STYK1: variants seen among roughly 807,000 people sequenced by gnomAD.
STYK1 encodes the protein STY kinase 1, also known as tyrosine-protein kinase STYK1.
In STYK1, 46 loss-of-function variants were observed where a neutral mutation model predicts 48.1. The observed-to-expected ratio is 0.96, with a 90% CI of 0.75 to 1.22. STYK1 has a LOEUF of 1.22. STYK1 is among the 50% of genes most tolerant of loss of function. The pLI, the probability that STYK1 is intolerant of heterozygous loss-of-function variation, is 0.00. For missense variants in STYK1, 527 were observed against 521.1 expected (o/e 1.01, Z -0.11); for synonymous variants, 188 against 189.0 (o/e 0.99, Z 0.04).
At chr12:10,626,608 C>T (rs993651513) in intron 7 of STYK1, among the ~76,000 whole-genome samples, 9 of 152,248 alleles carry the variant, frequency 5.9e-5, no homozygotes, top group Admixed American at 5.9e-4. Context: ...TAAACACAAC[C>T]ATTTAAATAA....
chr12:10,621,640 A>G (rs912341600), intron 10 of STYK1, among the ~76,000 whole-genome samples: 1 of 151,854 alleles, frequency 6.6e-6, no homozygotes, highest in Non-Finnish European at 1.5e-5. Flanking sequence ...TGGTGGGGGT[A>G]TGTGTGTGTA....
At position 10,634,127 on chromosome 12, in the gene STYK1, G is replaced by C. The variant is rs767522500; in HGVS notation, c.53-3C>G. 2 of 1,601,462 alleles carry C rather than the reference G, an allele frequency of 1.2e-6. No homozygotes were observed. Among genetic ancestry groups the C allele is most frequent in the African/African-American group, 2.8e-5 (2 of 71,256 alleles). On this transcript the variant is annotated splice_region_variant and splice_polypyrimidine_tract_variant and intron_variant, in intron 3 of 10. Transcript: ENST00000075503. Reference sequence around the variant, plus strand: ...TTCATACTGCTTCTCCTGGATGACTGGGTAGGCGATCACACAGGAAGAGAA... The same window carrying C: ...TTCATACTGCTTCTCCTGGATGACTCGGTAGGCGATCACACAGGAAGAGAA...
At chr12:10,622,437 A>G (rs549348455) in intron 9 of STYK1, among the ~76,000 whole-genome samples, 1 of 152,316 alleles carries the variant, frequency 6.6e-6, no homozygotes, top group East Asian at 1.9e-4. Context: ...AAAAAAGGAC[A>G]GGGAAGAAGG....
At chr12:10,636,629 G>A (rs935660243) in intron 2 of STYK1, among the ~76,000 whole-genome samples, 7 of 152,156 alleles carry the variant, frequency 4.6e-5, no homozygotes, top group Admixed American at 4.6e-4. Context: ...GGATCAGCAC[G>A]GTGAATTCAG....
intron 1 of STYK1, among the ~76,000 whole-genome samples, chr12:10,664,158 T>C (rs1165214352): frequency 2.6e-5 from 4 of 152,096 alleles, no homozygotes; most frequent in Non-Finnish European, 4.4e-5. Context: ...CCTGGATAAG[T>C]AGACAGAATA....
In STYK1 at chr12:10,621,997, C is replaced by A. The variant is rs750090384; in HGVS notation, c.968-25G>T. ...CCTGTCATTACGAAAATAATGAGAA[C>A]TTTAAGGTCCTCTAAAATATGAACT... is the stretch of plus-strand genomic sequence containing the variant. On this transcript the variant is annotated intron_variant, in intron 9 of 10. Transcript: ENST00000075503. The A allele has an allele frequency of 3.8e-6, 6 of 1,592,226 alleles. No homozygotes were observed. In the South Asian group the frequency reaches 6.6e-5, roughly 18 times the overall value.
chr12:10,652,601 G>C (rs1947673765), intron 1 of STYK1, among the ~76,000 whole-genome samples: 2 of 152,160 alleles, frequency 1.3e-5, no homozygotes, highest in South Asian at 4.1e-4. Context: ...TGAATAACTT[G>C]AGGATCTGTT....
rs148957810 is a variant in STYK1, at chr12:10,620,861, A to G, written c.1065-513T>C. On this transcript the variant is annotated intron_variant, in intron 10 of 10. Transcript: ENST00000075503. ...GACAAGGCTGTGTTACAAGTACCAGAGGTTGTGGTACCAGGTCAGGTATTT... is the reference window on the plus strand; with the variant it reads ...GACAAGGCTGTGTTACAAGTACCAGGGGTTGTGGTACCAGGTCAGGTATTT... Among the ~76,000 whole-genome samples the G allele has an allele frequency of 5.3e-3, 803 of 152,328 alleles. 3 individuals are homozygous for G. Among genetic ancestry groups the G allele is most frequent in the African/African-American group, 0.018 (754 of 41,574 alleles).
At chr12:10,648,860 C>T (rs1947629366) in intron 1 of STYK1, among the ~76,000 whole-genome samples, 1 of 152,098 alleles carries the variant, frequency 6.6e-6, no homozygotes. Flanking sequence ...AGCCACCACA[C>T]CCAGCAGAAA....
At chr12:10,646,068 T>C (rs1399736259) in intron 1 of STYK1, among the ~76,000 whole-genome samples, 2 of 152,232 alleles carry the variant, frequency 1.3e-5, no homozygotes, top group Non-Finnish European at 2.9e-5. Flanking sequence ...CATGTATGTC[T>C]TTATCAGCAG....
intron 7 of STYK1, among the ~76,000 whole-genome samples, chr12:10,625,310 T>C (rs928409062): frequency 6.6e-6 from 1 of 152,124 alleles, no homozygotes; most frequent in Non-Finnish European, 1.5e-5. Flanking sequence ...CTCCGCCTCC[T>C]GGGTTCATGC....
At chr12:10,656,846 T>C (rs1947724626) in intron 1 of STYK1, among the ~76,000 whole-genome samples, 2 of 152,208 alleles carry the variant, frequency 1.3e-5, no homozygotes, top group Admixed American at 1.3e-4. Context: ...GATAAATAAA[T>C]CCCTCTCAAA....
chr12:10,622,718 T>C, intron 8 of STYK1, 40 bp from the exon 9 acceptor site: 1 of 1,612,978 alleles, frequency 6.2e-7, no homozygotes, highest in East Asian at 2.2e-5. Flanking sequence ...TTTCTATTTC[T>C]GTTTTTCTAA....
Position 10,630,032 on chromosome 12 carries a change from G to GGAGAGAGAGA in STYK1, c.452-368_452-359dup, listed in dbSNP as rs11268204. ...CCATTACTGGCCCATATCATGAAGAGGAGAGAGAGAGAGAGAGAGAGAGAG... is the reference window on the plus strand; with the variant it reads ...CCATTACTGGCCCATATCATGAAGAGGAGAGAGAGAGAGAGAGAGAGAGAGAGAGAGAGAG... On this transcript the variant is annotated intron_variant, in intron 5 of 10. Coordinates refer to ENST00000075503, the MANE Select transcript of STYK1 (RefSeq NM_018423.3). Among the ~76,000 whole-genome samples the GGAGAGAGAGA allele has an allele frequency of 2.2e-5, 3 of 137,290 alleles. 1 individual carries two copies. Among genetic ancestry groups the GGAGAGAGAGA allele is most frequent in the African/African-American group, 8.9e-5 (3 of 33,798 alleles). 90.1% of individuals were successfully genotyped at this position (137,290 alleles called of 152,430 possible).
At chr12:10,656,105 T>G (rs781781707) in intron 1 of STYK1, among the ~76,000 whole-genome samples, 3 of 152,152 alleles carry the variant, frequency 2.0e-5, no homozygotes, top group Non-Finnish European at 4.4e-5. Flanking sequence ...GTTCTTGTGA[T>G]ACTGAATAAG....
At chr12:10,663,598 CAAAAAAAAAAAAAAAAAAAAAAAA>C (rs34019110) in intron 1 of STYK1, among the ~76,000 whole-genome samples, 3 of 51,474 alleles carry the variant, frequency 5.8e-5, no homozygotes, top group Admixed American at 3.1e-4. Flanking sequence ...GACTCTGTCT[CAAAAAAAAAAAAAAAAAAAAAAAA>C]AAAAAAAAAA....
chr12:10,668,500 C>T (rs1249865664), intron 1 of STYK1, among the ~76,000 whole-genome samples: 4 of 148,656 alleles, frequency 2.7e-5, no homozygotes, highest in Admixed American at 6.7e-5. Context: ...CTCAGCCTCC[C>T]GAGTAGCTGG....
intron 1 of STYK1, among the ~76,000 whole-genome samples, chr12:10,644,148 C>A (rs934453510): frequency 3.3e-5 from 5 of 152,084 alleles, no homozygotes; most frequent in Non-Finnish European, 7.4e-5. Flanking sequence ...ATTAGAGAGA[C>A]AGAAAATAGA....
chr12:10,655,674 C>T (rs1947710413), intron 1 of STYK1, among the ~76,000 whole-genome samples: 2 of 152,174 alleles, frequency 1.3e-5, no homozygotes, highest in Admixed American at 6.5e-5. Context: ...TGCTAATCAT[C>T]TCTTTTAAAA....
Sources: allele counts gnomAD v4.1 joint callset (sites outside exome capture counted in the v4.1 genomes callset), GRCh38; gene constraint gnomAD v4.1.1; transcripts MANE v1.5; gene names NCBI Gene and HGNC (gene_info 2026-07-23, HGNC 2026-07-21).